CNBD1: variants seen among roughly 807,000 people sequenced by gnomAD.
The protein encoded by CNBD1 is cyclic nucleotide-binding domain-containing protein 1.
In CNBD1, 71 loss-of-function variants were observed where a neutral mutation model predicts 54.4. That is an observed-to-expected ratio of 1.30 (90% CI 1.08 to 1.59). CNBD1 has a LOEUF of 1.59. Among genes scored for constraint, CNBD1 ranks in the 40% most tolerant of loss-of-function variants. The pLI, the probability that CNBD1 is intolerant of heterozygous loss-of-function variation, is 0.00. For synonymous variants in CNBD1, 182 were observed against 170.7 expected, an observed-to-expected ratio of 1.07 and a Z score of -0.51; for missense variants, 659 against 518.0, an observed-to-expected ratio of 1.27 and a Z score of -2.64.
At chr8:87,391,105 G>C (rs374409987) in intron 2 of CNBD1, among the ~76,000 whole-genome samples, 2 of 151,908 alleles carry the variant, frequency 1.3e-5, no homozygotes, top group African/African-American at 4.8e-5. Context: ...GTGGGGGAAG[G>C]GGGGAGGGAT....
At chr8:87,376,686 G>A (rs986441416) in intron 10 of CNBD1, among the ~76,000 whole-genome samples, 2 of 151,838 alleles carry the variant, frequency 1.3e-5, no homozygotes, top group Middle Eastern at 3.2e-3. Flanking sequence ...GTGTTTTTCT[G>A]CATTATTTCA....
intron 5 of CNBD1, among the ~76,000 whole-genome samples, chr8:87,233,520 G>T: frequency 6.6e-6 from 1 of 152,220 alleles, no homozygotes; most frequent in African/African-American, 2.4e-5. Flanking sequence ...TAATGACTAC[G>T]TGAACCTTCA....
At chr8:87,000,837 T>G (rs943279019) in intron 4 of CNBD1, among the ~76,000 whole-genome samples, 3 of 152,178 alleles carry the variant, frequency 2.0e-5, no homozygotes, top group African/African-American at 7.2e-5. Context: ...TTGCTTTTGC[T>G]ACCTATATAT....
intron 4 of CNBD1, among the ~76,000 whole-genome samples, chr8:87,036,323 G>A (rs1586213331): frequency 6.6e-6 from 1 of 151,888 alleles, no homozygotes; most frequent in East Asian, 1.9e-4. Context: ...GGCCAGGCAC[G>A]GTGGCTCACG....
At chr8:87,300,308 A>C (rs1340994979) in intron 8 of CNBD1, among the ~76,000 whole-genome samples, 1 of 152,214 alleles carries the variant, frequency 6.6e-6, no homozygotes, top group African/African-American at 2.4e-5. Context: ...ACAGCATGCT[A>C]TAATGACAAT....
intron 8 of CNBD1, among the ~76,000 whole-genome samples, chr8:87,320,127 C>T (rs1809487605): frequency 6.6e-6 from 1 of 151,992 alleles, no homozygotes; most frequent in Non-Finnish European, 1.5e-5. Flanking sequence ...GTTCTTTTAA[C>T]TCCAAAAGAG....
intron 2 of CNBD1, among the ~76,000 whole-genome samples, chr8:87,402,058 A>G (rs1200705476): frequency 6.6e-6 from 1 of 152,044 alleles, no homozygotes; most frequent in Non-Finnish European, 1.5e-5. Flanking sequence ...CTACATATCC[A>G]GGGAGACCTC....
chr8:87,025,829 G>A (rs1334038096), intron 4 of CNBD1, among the ~76,000 whole-genome samples: 4 of 152,122 alleles, frequency 2.6e-5, no homozygotes, highest in Admixed American at 6.5e-5. Context: ...TACTCACCAC[G>A]ACTGTCTGCG....
intron 4 of CNBD1, among the ~76,000 whole-genome samples, chr8:86,980,358 G>T (rs1808453300): frequency 6.6e-6 from 1 of 152,234 alleles, no homozygotes; most frequent in South Asian, 2.1e-4. Flanking sequence ...GGGTCACAGG[G>T]TGAGTGGTAT....
chr8:86,945,301 G>A (rs1416366210), intron 4 of CNBD1, among the ~76,000 whole-genome samples: 1 of 152,104 alleles, frequency 6.6e-6, no homozygotes, highest in East Asian at 1.9e-4. Context: ...AATTAACGAT[G>A]TTTCCTTTGA....
chr8:87,229,057 C>T (rs1352328020), intron 5 of CNBD1, among the ~76,000 whole-genome samples: 1 of 152,202 alleles, frequency 6.6e-6, no homozygotes, highest in Non-Finnish European at 1.5e-5. Flanking sequence ...AAAGGGAACT[C>T]CCTGACCCCT....
At chr8:87,362,672 A>T (rs1288853521) in intron 10 of CNBD1, among the ~76,000 whole-genome samples, 1 of 152,046 alleles carries the variant, frequency 6.6e-6, no homozygotes, top group East Asian at 1.9e-4. Context: ...GTTTTTAGTA[A>T]TGGAATCTTT....
chr8:86,906,848 C>G (rs1056881161), intron 3 of CNBD1, among the ~76,000 whole-genome samples: 10 of 152,150 alleles, frequency 6.6e-5, no homozygotes, highest in African/African-American at 2.4e-4. Flanking sequence ...AGAAAAGAGA[C>G]AGATCCCAAA....
At chr8:87,318,849 C>T (rs1273225709) in intron 8 of CNBD1, among the ~76,000 whole-genome samples, 1 of 151,974 alleles carries the variant, frequency 6.6e-6, no homozygotes, top group Non-Finnish European at 1.5e-5. Flanking sequence ...ATGAATCACA[C>T]CTTAGCATAC....
At chr8:86,873,340 A>G (rs942423902) in intron 1 of CNBD1, among the ~76,000 whole-genome samples, 4 of 151,802 alleles carry the variant, frequency 2.6e-5, no homozygotes, top group Non-Finnish European at 4.4e-5. Flanking sequence ...ACCTCGGGTG[A>G]TCTGCCCGCC....
intron 5 of CNBD1, among the ~76,000 whole-genome samples, chr8:87,221,034 T>A (rs909129210): frequency 2.6e-5 from 4 of 152,094 alleles, no homozygotes; most frequent in African/African-American, 9.7e-5. Context: ...CCAAGCAGGC[T>A]GCCCCTTTTC....
intron 10 of CNBD1, among the ~76,000 whole-genome samples, chr8:87,379,428 AT>A (rs934822462): frequency 2.3e-4 from 35 of 151,720 alleles, no homozygotes; most frequent in Non-Finnish European, 7.4e-5. Flanking sequence ...CAAAATATAC[AT>A]TTTTTTCAGC....
intron 5 of CNBD1, among the ~76,000 whole-genome samples, chr8:87,222,962 C>T (rs1340013878): frequency 6.6e-6 from 1 of 151,590 alleles, no homozygotes; most frequent in Non-Finnish European, 1.5e-5. Flanking sequence ...TATTCCTAAC[C>T]AACTTGATTT....
At chr8:87,192,066 G>C (rs950343881) in intron 4 of CNBD1, among the ~76,000 whole-genome samples, 4 of 152,086 alleles carry the variant, frequency 2.6e-5, no homozygotes, top group Non-Finnish European at 4.4e-5. Context: ...AGAGGGAAGA[G>C]TCTGTTCTAT....
Sources: allele counts gnomAD v4.1 joint callset (sites outside exome capture counted in the v4.1 genomes callset), GRCh38; gene constraint gnomAD v4.1.1; transcripts MANE v1.5; gene names NCBI Gene and HGNC (gene_info 2026-07-23, HGNC 2026-07-21).